Variants in FAM184B observed in about 807,000 individuals in gnomAD.
FAM184B encodes family with sequence similarity 184 member B, also known as protein FAM184B.
In FAM184B, 111 loss-of-function variants were observed where a neutral mutation model predicts 135.9. That is an observed-to-expected ratio of 0.82 (90% CI 0.70 to 0.96). The LOEUF (loss-of-function observed/expected upper bound fraction) is 0.96, where lower values mean the gene tolerates loss of function less well. Among genes scored for constraint, FAM184B ranks in the 40% least tolerant of loss-of-function variants. FAM184B has a pLI of 0.00. For synonymous variants in FAM184B, 552 were observed against 524.8 expected (o/e 1.05, Z -0.71); for missense variants, 1,375 against 1,323.9 (o/e 1.04, Z -0.60).
In FAM184B at chr4:17,664,607, T is replaced by G; in HGVS notation, c.1649A>C (p.Asp550Ala). The G allele has an allele frequency of 2.6e-6, 4 of 1,551,332 alleles. No homozygotes were observed. Among genetic ancestry groups the G allele is most frequent in the Non-Finnish European group, 3.5e-6 (4 of 1,146,970 alleles). Residue 550 changes from aspartate to alanine, a missense_variant, in exon 8 of 18, where the codon GAT (aspartate) becomes GCT (alanine). Coordinates refer to ENST00000265018, the MANE Select transcript of FAM184B (RefSeq NM_015688.2). Reference sequence around the variant, plus strand: ...GGTTCCTTCTTCAGCTGCTAACTTATCTTGATACTCCTCTCCTCTCGGCGA... The same window carrying G: ...GGTTCCTTCTTCAGCTGCTAACTTAGCTTGATACTCCTCTCCTCTCGGCGA... ...ETSPRGEEYQ[D>A]KLAAEEGTSS... is the part of the protein sequence containing the mutation.
At chr4:17,721,399 A>AAAAAAAAAAAAAG in intron 1 of FAM184B, among the ~76,000 whole-genome samples, 1 of 149,798 alleles carries the variant, frequency 6.7e-6, no homozygotes, top group South Asian at 2.1e-4. Context: ...AAAAAAAAAA[A>AAAAAAAAAAAAAG]AAAAAAATCT....
At chr4:17,766,236 A>G (rs1356344760) in intron 1 of FAM184B, among the ~76,000 whole-genome samples, 2 of 152,214 alleles carry the variant, frequency 1.3e-5, no homozygotes, top group African/African-American at 4.8e-5. Flanking sequence ...TGTTTCACAG[A>G]GAGCTGATTG....
At chr4:17,662,187 T>G (rs182904020) in intron 8 of FAM184B, among the ~76,000 whole-genome samples, 1 of 152,302 alleles carries the variant, frequency 6.6e-6, no homozygotes, top group Non-Finnish European at 1.5e-5. Context: ...TTCATTCTTT[T>G]TGTTGCTGTG....
rs754484465 is a variant in FAM184B at position 17,664,531 on chromosome 4, A to G, written c.1694+31T>C. On this transcript the variant is annotated intron_variant, in intron 8 of 17. Transcript: ENST00000265018. Reference sequence around the variant, plus strand: ...CCACATCTGAGTCCTCATTCAATGGAGCACTCAGAAGTCTGCATGTCCTCC... The same window carrying G: ...CCACATCTGAGTCCTCATTCAATGGGGCACTCAGAAGTCTGCATGTCCTCC... 3 of 1,468,638 alleles carry G rather than the reference A, an allele frequency of 2.0e-6. No homozygotes were observed. The South Asian group carries it at 3.7e-5, about 18-fold the overall frequency. 91.0% of individuals were successfully genotyped at this position (1,468,638 alleles called of 1,614,324 possible).
At chr4:17,653,751 T>C (rs1715697063) in intron 10 of FAM184B, among the ~76,000 whole-genome samples, 1 of 151,700 alleles carries the variant, frequency 6.6e-6, no homozygotes, top group Non-Finnish European at 1.5e-5. Flanking sequence ...GTCTGAAAAC[T>C]GAGTATGTTA....
At chr4:17,762,559 C>T (rs1476481757) in intron 1 of FAM184B, among the ~76,000 whole-genome samples, 2 of 152,174 alleles carry the variant, frequency 1.3e-5, no homozygotes, top group African/African-American at 2.4e-5. Context: ...CACAAGTACA[C>T]TTAAGGCCTC....
intron 11 of FAM184B, among the ~76,000 whole-genome samples, chr4:17,651,536 T>TGA (rs1295336916): frequency 1.6e-4 from 1 of 6,368 alleles, no homozygotes; most frequent in Non-Finnish European, 2.4e-4. Flanking sequence ...AGACTCTGTC[T>TGA]CAAAAAAAAA....
At chr4:17,683,614 G>C (rs1293185572) in intron 7 of FAM184B, among the ~76,000 whole-genome samples, 1 of 152,192 alleles carries the variant, frequency 6.6e-6, no homozygotes, top group East Asian at 1.9e-4. Context: ...ATCTATAATA[G>C]AGAAATATTA....
rs1201478999 is a variant in FAM184B at position 17,635,049 on chromosome 4, GAGAA to G, written c.2845_2848del (p.Phe949LeufsTer9). ...CAAATATCCCGGGTGAGGATTGAAA[GAGAA>G]AGACCGATTCCGGTGGGACATGGCA... is the stretch of plus-strand genomic sequence containing the variant. On this transcript the variant is annotated frameshift_variant, in exon 16 of 18. Transcript: ENST00000265018. LOFTEE classifies it high-confidence loss of function. 2 of 1,551,882 alleles carry G rather than the reference GAGAA, an allele frequency of 1.3e-6. No homozygotes were observed. Among genetic ancestry groups the G allele is most frequent in the Admixed American group, 3.9e-5 (2 of 50,984 alleles).
intron 1 of FAM184B, among the ~76,000 whole-genome samples, chr4:17,736,768 T>C (rs958640979): frequency 6.6e-6 from 1 of 152,170 alleles, no homozygotes; most frequent in African/African-American, 2.4e-5. Flanking sequence ...TAGCCACACC[T>C]GGCCACACGG....
rs371202997 is a variant in FAM184B, at chr4:17,746,531, G to C, written c.141+34628C>G. On this transcript the variant is annotated intron_variant, in intron 1 of 17. Coordinates refer to ENST00000265018, the MANE Select transcript of FAM184B (RefSeq NM_015688.2). ...GGATCACCTGGGGTCAGGAGGTCGAGACCATCCTGGCTAACACGGTGAAAC... is the reference window on the plus strand; with the variant it reads ...GGATCACCTGGGGTCAGGAGGTCGACACCATCCTGGCTAACACGGTGAAAC... Among the ~76,000 whole-genome samples, 21 of 151,626 alleles carry C rather than the reference G, an allele frequency of 1.4e-4. No individual in the cohort carries two copies. In the South Asian group the frequency reaches 4.4e-3, roughly 32 times the overall value.
chr4:17,662,869 A>G (rs1306814497), intron 8 of FAM184B, among the ~76,000 whole-genome samples: 1 of 152,170 alleles, frequency 6.6e-6, no homozygotes, highest in Non-Finnish European at 1.5e-5. Flanking sequence ...CTGTGGTGGT[A>G]AGTTGCATTT....
intron 12 of FAM184B, among the ~76,000 whole-genome samples, chr4:17,645,146 G>T (rs1715432593): frequency 6.6e-6 from 1 of 152,146 alleles, no homozygotes; most frequent in Admixed American, 6.5e-5. Flanking sequence ...TGTGAAAATG[G>T]CTATACTGCC....
intron 14 of FAM184B, among the ~76,000 whole-genome samples, chr4:17,637,074 T>C (rs1490304702): frequency 1.3e-5 from 2 of 152,112 alleles, no homozygotes; most frequent in African/African-American, 4.8e-5. Context: ...TCGCCCAGGC[T>C]GCAGTGCAAT....
chr4:17,766,040 G>A (rs991457646), intron 1 of FAM184B, among the ~76,000 whole-genome samples: 2 of 152,206 alleles, frequency 1.3e-5, no homozygotes, highest in African/African-American at 2.4e-5. Flanking sequence ...CCCCGTGAGT[G>A]TTACAGCTCA....
At chr4:17,761,811 G>A (rs1465098684) in intron 1 of FAM184B, among the ~76,000 whole-genome samples, 2 of 152,132 alleles carry the variant, frequency 1.3e-5, no homozygotes, top group Non-Finnish European at 2.9e-5. Context: ...ATGAGTCACC[G>A]CAGCTGACTT....
Position 17,658,354 on chromosome 4 carries a change from A to C in FAM184B, c.2033T>G (p.Leu678Arg). 1 of 1,551,488 alleles carries C rather than the reference A, an allele frequency of 6.4e-7. No individual in the cohort carries two copies. Among genetic ancestry groups the C allele is most frequent in the South Asian group, 1.2e-5 (1 of 84,040 alleles). Reference sequence around the variant, plus strand: ...ACGGCACAGTCATTCCCTCACCTTGAGTTCCTGATGTCTGGCCTTCTCCAG... The same window carrying C: ...ACGGCACAGTCATTCCCTCACCTTGCGTTCCTGATGTCTGGCCTTCTCCAG... The part of the protein sequence containing the change: ...RMLEKARHQE[L>R]KATEERLKKE... Residue 678 changes from leucine to arginine, a missense_variant, in exon 10 of 18, where the codon CTC becomes CGC. Physicochemically the swap from Leu to Arg is moderately radical, Grantham distance 102 (BLOSUM62 -2). Transcript: ENST00000265018.
intron 1 of FAM184B, among the ~76,000 whole-genome samples, chr4:17,766,187 TC>T (rs1718682845): frequency 6.6e-6 from 1 of 152,208 alleles, no homozygotes; most frequent in African/African-American, 2.4e-5. Flanking sequence ...CACACCCACA[TC>T]CTGCTGATTG....
At chr4:17,754,233 A>G (rs1161003581) in intron 1 of FAM184B, among the ~76,000 whole-genome samples, 2 of 152,166 alleles carry the variant, frequency 1.3e-5, no homozygotes, top group African/African-American at 2.4e-5. Context: ...ACACCCGTGC[A>G]CACATTTAGG....
Sources: allele counts gnomAD v4.1 joint callset (sites outside exome capture counted in the v4.1 genomes callset), GRCh38; gene constraint gnomAD v4.1.1; transcripts MANE v1.5; gene names NCBI Gene and HGNC (gene_info 2026-07-23, HGNC 2026-07-21).